The following PTPRR variants were observed in gnomAD, a reference collection of about 807,000 sequenced individuals.
PTPRR encodes the protein receptor-type tyrosine-protein phosphatase R.
A neutral mutation model predicts 77.2 loss-of-function variants in PTPRR; 38 were observed. The observed-to-expected ratio is 0.49, with a 90% CI of 0.38 to 0.65. The LOEUF is 0.65. Among genes scored for constraint, PTPRR ranks in the 30% least tolerant of loss-of-function variants. The pLI is 0.00. For missense variants in PTPRR, 744 were observed against 799.2 expected, an observed-to-expected ratio of 0.93 and a Z score of 0.83; for synonymous variants, 299 against 283.1, an observed-to-expected ratio of 1.06 and a Z score of -0.57.
intron 10 of PTPRR, chr12:70,671,785 T>A: frequency 1.9e-6 from 1 of 533,202 alleles, no homozygotes; most frequent in Non-Finnish European, 3.4e-6. Context: ...AATACATATT[T>A]GAGGCTGCTG....
intron 2 of PTPRR, among the ~76,000 whole-genome samples, chr12:70,879,019 A>T (rs11178465): frequency 6.6e-6 from 1 of 151,826 alleles, no homozygotes; most frequent in Admixed American, 6.6e-5. Flanking sequence ...ACCAAACACC[A>T]CATGTTCTCA....
intron 8 of PTPRR, among the ~76,000 whole-genome samples, chr12:70,697,444 G>A (rs966043350): frequency 9.2e-5 from 14 of 152,018 alleles, no homozygotes; most frequent in Admixed American, 5.9e-4. Flanking sequence ...TAAGATTTGC[G>A]TATTGTAGCT....
chr12:70,842,795 C>A (rs1892418630), intron 2 of PTPRR, among the ~76,000 whole-genome samples: 1 of 152,232 alleles, frequency 6.6e-6, no homozygotes, highest in Admixed American at 6.5e-5. Flanking sequence ...ATAATAGTCA[C>A]AGATTCCAGA....
In PTPRR at chr12:70,854,956, C is replaced by A. The variant is rs77459301; in HGVS notation, c.357+37723G>T. Among the ~76,000 whole-genome samples, 1,133 of 152,226 alleles carry A rather than the reference C, an allele frequency of 7.4e-3. 10 individuals carry two copies. The highest frequency in any genetic ancestry group is 0.02 in the Middle Eastern group (6 of 294). On this transcript the variant is annotated intron_variant, in intron 2 of 13. Transcript: ENST00000283228. ...TATTAATATCGGCAGGCAGGGGTTG[C>A]AAACTCAAATATCTTCTAGGGTCAG... is the stretch of plus-strand genomic sequence containing the variant.
chr12:70,674,174 A>G (rs1003316037), intron 10 of PTPRR, among the ~76,000 whole-genome samples: 13 of 152,102 alleles, frequency 8.5e-5, no homozygotes, highest in African/African-American at 1.9e-4. Context: ...GCCTCAAGCA[A>G]TCTTCCTGAC....
intron 13 of PTPRR, among the ~76,000 whole-genome samples, chr12:70,640,425 C>T (rs1203804655): frequency 6.6e-6 from 1 of 152,134 alleles, no homozygotes; most frequent in African/African-American, 2.4e-5. Flanking sequence ...TTGTCTTGGG[C>T]TCCCAAAGTG....
chr12:70,888,896 T>C (rs147437058), intron 2 of PTPRR, among the ~76,000 whole-genome samples: 1 of 152,098 alleles, frequency 6.6e-6, no homozygotes, highest in African/African-American at 2.4e-5. Flanking sequence ...CTTTTCAGGG[T>C]CAAAATATAA....
At chr12:70,903,363 C>T (rs901801115) in intron 1 of PTPRR, among the ~76,000 whole-genome samples, 3 of 151,674 alleles carry the variant, frequency 2.0e-5, no homozygotes, top group Admixed American at 6.6e-5. Context: ...TTACCCCATA[C>T]ATAAAATTAT....
At chr12:70,762,294 T>C (rs1056993358) in intron 3 of PTPRR, among the ~76,000 whole-genome samples, 6 of 149,356 alleles carry the variant, frequency 4.0e-5, no homozygotes, top group East Asian at 2.0e-4. Context: ...TACACACACA[T>C]ACACACACAC....
At chr12:70,657,994 A>G (rs754561425) in intron 12 of PTPRR, among the ~76,000 whole-genome samples, 1 of 152,174 alleles carries the variant, frequency 6.6e-6, no homozygotes, top group Non-Finnish European at 1.5e-5. Context: ...ATAGGGACTT[A>G]ATTATATCAT....
chr12:70,676,859 C>CTT lies in PTPRR; in HGVS notation c.1497+7266_1497+7267dup, dbSNP rs60254808. On this transcript the variant is annotated intron_variant, in intron 10 of 13. Coordinates refer to ENST00000283228, the MANE Select transcript of PTPRR (RefSeq NM_002849.4). ...AAGTCAGGTAGTATGATGCCTCCAG[C>CTT]TTTTTTTTTTTTTTGTCTCAAGAAT... Among the ~76,000 whole-genome samples the CTT allele has an allele frequency of 2.4e-3, 338 of 139,756 alleles. 3 individuals carry two copies. The highest frequency in any genetic ancestry group is 7.2e-3 in the African/African-American group (276 of 38,552). The allele number at this position is 139,756 out of a possible 152,430, so 91.7% of individuals were successfully genotyped here.
chr12:70,795,940 T>TTTTG (rs1436544409), intron 2 of PTPRR, among the ~76,000 whole-genome samples: 2,915 of 133,270 alleles, frequency 0.022, 191 homozygotes, highest in Non-Finnish European at 0.036. Flanking sequence ...TTTTTTTTTT[T>TTTTG]TGACACAGAG....
intron 2 of PTPRR, among the ~76,000 whole-genome samples, chr12:70,847,304 A>G (rs1214768486): frequency 3.9e-5 from 6 of 152,186 alleles, no homozygotes; most frequent in Non-Finnish European, 5.9e-5. Flanking sequence ...GCTCATTACT[A>G]TTTATTATCG....
chr12:70,726,923 T>C (rs745630988), intron 6 of PTPRR, among the ~76,000 whole-genome samples: 11 of 152,122 alleles, frequency 7.2e-5, no homozygotes, highest in Non-Finnish European at 7.4e-5. Context: ...TCCCATTTTT[T>C]TCTCTCCAAT....
At chr12:70,817,365 A>G (rs906510808) in intron 2 of PTPRR, among the ~76,000 whole-genome samples, 1 of 152,214 alleles carries the variant, frequency 6.6e-6, no homozygotes, top group Non-Finnish European at 1.5e-5. Flanking sequence ...ATTAAGTAAT[A>G]GTATTGTATC....
At chr12:70,719,510 C>A (rs1416052127) in intron 6 of PTPRR, among the ~76,000 whole-genome samples, 1 of 149,292 alleles carries the variant, frequency 6.7e-6, no homozygotes, top group African/African-American at 2.5e-5. Flanking sequence ...TAACAATTTC[C>A]TTTGTTAGGA....
At chr12:70,728,494 G>GTGTATATATATATATATATA (rs1565669339) in intron 6 of PTPRR, among the ~76,000 whole-genome samples, 29 of 2,548 alleles carry the variant, frequency 0.011, no homozygotes, top group African/African-American at 0.014. Flanking sequence ...ATATATATAT[G>GTGTATATATATATATATATA]TATGTATGTA....
intron 4 of PTPRR, among the ~76,000 whole-genome samples, chr12:70,758,794 T>A (rs569081066): frequency 6.6e-6 from 1 of 152,306 alleles, no homozygotes; most frequent in African/African-American, 2.4e-5. Flanking sequence ...AGAACTATAT[T>A]CTTATTATCT....
chr12:70,721,927 A>G (rs1365998684), intron 6 of PTPRR, among the ~76,000 whole-genome samples: 1 of 152,182 alleles, frequency 6.6e-6, no homozygotes, highest in Non-Finnish European at 1.5e-5. Flanking sequence ...TAGAGACTCT[A>G]CAGCCCAAAT....
Sources: gnomAD v4.1 joint callset for allele counts (sites outside exome capture counted in the v4.1 genomes callset) on GRCh38, gnomAD v4.1.1 for gene constraint, MANE v1.5 for transcripts, NCBI Gene and HGNC (gene_info 2026-07-23, HGNC 2026-07-21) for gene names.